The following GEMIN5 variants were observed in gnomAD, a reference collection of about 807,000 sequenced individuals.
GEMIN5 encodes the protein gem-associated protein 5.
A neutral mutation model predicts 176.9 loss-of-function variants in GEMIN5; 124 were observed. That is an observed-to-expected ratio of 0.70 (90% CI 0.61 to 0.81). The LOEUF (loss-of-function observed/expected upper bound fraction) is 0.81, where lower values mean the gene tolerates loss of function less well. Ranked by LOEUF, GEMIN5 falls within the 40% of genes least tolerant of loss-of-function variation. The pLI is 0.00. For synonymous variants in GEMIN5, 673 were observed against 665.2 expected (o/e 1.01, Z -0.18); for missense variants, 1,843 against 1,814.6 (o/e 1.02, Z -0.28).
Position 154,937,135 on chromosome 5 carries a change from A to G in GEMIN5, c.217T>C (p.Ser73Pro). ...HTERVSGFTF[S>P]HHPGQYNLCA... ...AGGTTGTACTGACCAGGGTGATGAG[A>G]AAATGTGAAGCCAGAGACCCTTTCG... is the stretch of plus-strand genomic sequence containing the variant. The change falls in exon 2 of 28, where the codon TCT (serine) becomes CCT (proline). Residue 73 changes from serine to proline, a missense_variant. Physicochemically the swap from Ser to Pro is moderately conservative, Grantham distance 74. Transcript: ENST00000285873. 2 of 1,613,604 alleles carry G rather than the reference A, an allele frequency of 1.2e-6. No homozygotes were observed. Among genetic ancestry groups the G allele is most frequent in the African/African-American group, 1.3e-5 (1 of 75,062 alleles).
intron 9 of GEMIN5, among the ~76,000 whole-genome samples, chr5:154,924,193 A>C (rs1763980831): frequency 6.6e-6 from 1 of 152,160 alleles, no homozygotes; most frequent in East Asian, 1.9e-4. Flanking sequence ...ATCAGTAATC[A>C]CCTGTGGTTA....
chr5:154,931,830 C>T, intron 4 of GEMIN5: 1 of 487,672 alleles, frequency 2.1e-6, no homozygotes. Context: ...GCCTGACCAA[C>T]ATGGAGAAAC....
intron 19 of GEMIN5, 132 bp downstream of exon 19, chr5:154,902,948 T>G (rs1210185486): frequency 1.5e-6 from 1 of 677,440 alleles, no homozygotes; most frequent in Non-Finnish European, 2.5e-6. Flanking sequence ...ATCAGGGAGC[T>G]CAAAACCTAG....
chr5:154,899,160 T>A, intron 22 of GEMIN5, 31 bp downstream of exon 22: 1 of 1,587,180 alleles, frequency 6.3e-7, no homozygotes, highest in Non-Finnish European at 8.6e-7. Flanking sequence ...CTCTCCTATG[T>A]TGGAAGCATC....
At position 154,917,096 on chromosome 5, in the gene GEMIN5, C is replaced by G; in HGVS notation, c.1757G>C (p.Trp586Ser). 1.2e-6 allele frequency: 2 copies of G among 1,608,072 alleles called. No individual in the cohort carries two copies. The highest frequency in any genetic ancestry group is 1.7e-6 in the Non-Finnish European group (2 of 1,175,522). Residue 586 changes from tryptophan (W) to serine (S), a missense_variant, in exon 13 of 28, where the codon TGG (tryptophan) becomes TCG (serine). Trp to Ser is a radical substitution (Grantham distance 177, BLOSUM62 -3). Coordinates refer to ENST00000285873, the MANE Select transcript of GEMIN5 (RefSeq NM_015465.5). ...QHHKLVNTIS[W>S]HHEHGSQPEL... Reference sequence around the variant, plus strand: ...TGGCTGGCTGCCATGCTCATGATGCCAGCTAATGGTATTCACAAGCTTGTG... The same window carrying G: ...TGGCTGGCTGCCATGCTCATGATGCGAGCTAATGGTATTCACAAGCTTGTG...
intron 1 of GEMIN5, 22 bp from the exon 2 acceptor site, chr5:154,937,207 A>G: frequency 6.4e-7 from 1 of 1,570,298 alleles, no homozygotes; most frequent in South Asian, 1.2e-5. Context: ...ACCAGACGCT[A>G]GGTTAATCGA....
intron 16 of GEMIN5, among the ~76,000 whole-genome samples, chr5:154,905,703 T>C (rs1763554570): frequency 6.6e-6 from 1 of 151,288 alleles, no homozygotes; most frequent in Non-Finnish European, 1.5e-5. Context: ...TACTTTGGTT[T>C]TTTTTTTTTT....
intron 1 of GEMIN5, among the ~76,000 whole-genome samples, chr5:154,937,641 C>T (rs1001955361): frequency 2.0e-5 from 3 of 152,176 alleles, no homozygotes; most frequent in Admixed American, 6.5e-5. Context: ...TGTGGTTAGC[C>T]CCCAACCCCA....
At chr5:154,928,689 C>T (rs1417547091) in intron 5 of GEMIN5, 30 bp from the exon 6 acceptor site, 1 of 1,610,914 alleles carries the variant, frequency 6.2e-7, no homozygotes, top group Non-Finnish European at 8.5e-7. Flanking sequence ...CCAGTGGGCA[C>T]TCAAGACAGT....
At chr5:154,916,360 T>G (rs1170423198) in intron 13 of GEMIN5, among the ~76,000 whole-genome samples, 1 of 152,220 alleles carries the variant, frequency 6.6e-6, no homozygotes, top group Non-Finnish European at 1.5e-5. Context: ...TACACAGAAG[T>G]GCAAACCTAT....
intron 3 of GEMIN5, among the ~76,000 whole-genome samples, chr5:154,934,322 G>A (rs1180345212): frequency 6.6e-6 from 1 of 152,178 alleles, no homozygotes; most frequent in Admixed American, 6.5e-5. Context: ...TAGTAGCTGG[G>A]ATTACAGGCA....
chr5:154,925,005 C>T (rs1582672062), intron 8 of GEMIN5, among the ~76,000 whole-genome samples: 1 of 151,828 alleles, frequency 6.6e-6, no homozygotes, highest in Non-Finnish European at 1.5e-5. Flanking sequence ...CAAAACAAAA[C>T]AAAACAACAA....
At chr5:154,893,113 C>CA (rs1197066643) in intron 24 of GEMIN5, among the ~76,000 whole-genome samples, 1 of 150,938 alleles carries the variant, frequency 6.6e-6, no homozygotes, top group Non-Finnish European at 1.5e-5. Context: ...AACAAACAAA[C>CA]AACAAAAACA....
chr5:154,930,535 C>CGGTA (rs1462054386), intron 5 of GEMIN5, among the ~76,000 whole-genome samples: 1 of 152,164 alleles, frequency 6.6e-6, no homozygotes, highest in African/African-American at 2.4e-5. Flanking sequence ...TGCTGACATA[C>CGGTA]GGTACCAACA....
rs1763231801 is a variant in GEMIN5, at chr5:154,891,711, G to T, written c.3792C>A (p.Asp1264Glu). 6 of 1,605,226 alleles carry T rather than the reference G, an allele frequency of 3.7e-6. No homozygotes were observed. The highest frequency in any genetic ancestry group is 2.2e-5 in the East Asian group (1 of 44,852). Residue 1264 changes from aspartate (D) to glutamate (E), a missense_variant, in exon 26 of 28, where the codon GAC becomes GAA. By Grantham distance (45) the Asp-to-Glu change is conservative. Coordinates refer to ENST00000285873, the MANE Select transcript of GEMIN5 (RefSeq NM_015465.5). ...AAGCTGGTGTGGCAGGGGATTGATGGTCCCCCAACTTGTCTCTTAGGTGGT... is the reference window on the plus strand; with the variant it reads ...AAGCTGGTGTGGCAGGGGATTGATGTTCCCCCAACTTGTCTCTTAGGTGGT... ...GCDHLRDKLG[D>E]HQSPATPAFK...
intron 11 of GEMIN5, 46 bp downstream of exon 11, chr5:154,919,921 G>A (rs749817065): frequency 7.1e-5 from 109 of 1,545,524 alleles, no homozygotes; most frequent in Non-Finnish European, 9.7e-5. Context: ...AACACAGAGG[G>A]ATCTGTGATG....
chr5:154,904,765 CT>C, intron 17 of GEMIN5, 136 bp from the exon 18 acceptor site: 1 of 617,402 alleles, frequency 1.6e-6, no homozygotes, highest in Non-Finnish European at 2.8e-6. Flanking sequence ...AATAAAGAGG[CT>C]TTCAAAATAA....
intron 5 of GEMIN5, among the ~76,000 whole-genome samples, chr5:154,929,461 G>GT (rs1486003057): frequency 6.6e-6 from 1 of 152,176 alleles, no homozygotes; most frequent in East Asian, 1.9e-4. Context: ...TCTAATCACC[G>GT]TTTTTTAAGC....
At position 154,905,352 on chromosome 5, in the gene GEMIN5, T is replaced by C; in HGVS notation, c.2509+11A>G. The C allele has an allele frequency of 7.5e-7, 1 of 1,332,968 alleles. No homozygotes were observed. Among genetic ancestry groups the C allele is most frequent in the Non-Finnish European group, 1.1e-6 (1 of 936,868 alleles). The allele number at this position is 1,332,968 out of a possible 1,614,324, so 82.6% of individuals were successfully genotyped here. ...TAACAAAATACTGTATTTTAATTACTAGATACCAACCTGGCTTCTCTTTTG... is the reference window on the plus strand; with the variant it reads ...TAACAAAATACTGTATTTTAATTACCAGATACCAACCTGGCTTCTCTTTTG... On this transcript the variant is annotated intron_variant, in intron 17 of 27. Transcript: ENST00000285873.
Sources: gnomAD v4.1 joint callset for allele counts (sites outside exome capture counted in the v4.1 genomes callset) on GRCh38, gnomAD v4.1.1 for gene constraint, MANE v1.5 for transcripts, NCBI Gene and HGNC (gene_info 2026-07-23, HGNC 2026-07-21) for gene names.